COL28A1: variants seen among roughly 807,000 people sequenced by gnomAD.
The protein encoded by COL28A1 is collagen type XXVIII alpha 1 chain.
Under a neutral mutation model 150.2 loss-of-function variants are expected in COL28A1, and 161 were observed. The observed-to-expected ratio is 1.07, with a 90% CI of 0.94 to 1.22. COL28A1 has a LOEUF of 1.22. Among genes scored for constraint, COL28A1 ranks in the 50% most tolerant of loss-of-function variants. COL28A1 has a pLI of 0.00. For missense variants in COL28A1, 1,617 were observed against 1,388.3 expected (o/e 1.16, Z -2.62); for synonymous variants, 552 against 469.7 (o/e 1.18, Z -2.26).
At chr7:7,493,086 A>G (rs1203262422) in intron 11 of COL28A1, among the ~76,000 whole-genome samples, 1 of 143,968 alleles carries the variant, frequency 6.9e-6, no homozygotes, top group Non-Finnish European at 1.5e-5. Context: ...TTAAAAATAC[A>G]ATAATAATAT....
intron 15 of COL28A1, among the ~76,000 whole-genome samples, chr7:7,462,932 G>T (rs373677511): frequency 6.6e-5 from 10 of 151,018 alleles, no homozygotes; most frequent in African/African-American, 2.4e-4. Flanking sequence ...AATTTAACAA[G>T]CAAAAGGAAG....
chr7:7,521,068 A>G (rs60498098), intron 5 of COL28A1, among the ~76,000 whole-genome samples: 50,733 of 151,878 alleles, frequency 0.33, 9,423 homozygotes, highest in African/African-American at 0.5. Flanking sequence ...TTCCCCTCCC[A>G]CCCCCAAATA....
intron 27 of COL28A1, among the ~76,000 whole-genome samples, chr7:7,414,680 G>A (rs1783972116): frequency 6.6e-6 from 1 of 152,194 alleles, no homozygotes; most frequent in African/African-American, 2.4e-5. Context: ...CATGGAAAGA[G>A]AAGCCCTTCT....
chr7:7,444,922 G>C (rs966757963), intron 18 of COL28A1, among the ~76,000 whole-genome samples: 1 of 152,080 alleles, frequency 6.6e-6, no homozygotes, highest in Non-Finnish European at 1.5e-5. Context: ...AGTTATGGGG[G>C]TGGACCTCCC....
At chr7:7,404,855 A>G (rs1783407426) in intron 27 of COL28A1, among the ~76,000 whole-genome samples, 2 of 152,150 alleles carry the variant, frequency 1.3e-5, no homozygotes, top group South Asian at 2.1e-4. Flanking sequence ...TGGCATACTT[A>G]CATATGTTCA....
intron 15 of COL28A1, among the ~76,000 whole-genome samples, chr7:7,466,601 CAG>C (rs1788099312): frequency 1.3e-5 from 1 of 76,204 alleles, no homozygotes; most frequent in Non-Finnish European, 2.3e-5. Flanking sequence ...AGGAAATACA[CAG>C]AACGCCACAA....
At position 7,489,389 on chromosome 7, in the gene COL28A1, T is replaced by C; in HGVS notation, c.1164A>G (p.Pro388=). The C allele has an allele frequency of 7.7e-7, 1 of 1,295,768 alleles. No individual in the cohort carries two copies. Among genetic ancestry groups the C allele is most frequent in the Non-Finnish European group, 1.1e-6 (1 of 888,750 alleles). 80.3% of individuals were successfully genotyped at this position (1,295,768 alleles called of 1,614,324 possible). The part of the protein sequence containing the change: ...GPIGVGEPGQ[P]GPRGPEGVPG... ...TCCATCTAGAATTTTTGCTACTTAC[T>C]GGCTGTCCAGGCTCACCAACTCCAA... The change falls in exon 13 of 35, where the codon CCA becomes CCG. Residue 388 remains proline (P), a splice_region_variant and synonymous_variant. Coordinates refer to ENST00000399429, the MANE Select transcript of COL28A1 (RefSeq NM_001037763.3).
intron 27 of COL28A1, among the ~76,000 whole-genome samples, chr7:7,390,573 G>C (rs1782481553): frequency 6.6e-6 from 1 of 152,132 alleles, no homozygotes. Flanking sequence ...CATGGTACCA[G>C]CTCCTCTTTG....
chr7:7,516,598 G>C (rs1781426852), intron 7 of COL28A1, among the ~76,000 whole-genome samples: 2 of 151,968 alleles, frequency 1.3e-5, no homozygotes, highest in African/African-American at 2.4e-5. Flanking sequence ...GGATTTTTTT[G>C]TCTTTCATAC....
At chr7:7,476,973 A>G (rs1270900877) in intron 14 of COL28A1, 139 bp downstream of exon 14, 2 of 599,398 alleles carry the variant, frequency 3.3e-6, no homozygotes, top group African/African-American at 3.7e-5. Context: ...GGAAATTTAC[A>G]TATTCCTTCA....
chr7:7,439,563 G>A (rs534493373), intron 21 of COL28A1, among the ~76,000 whole-genome samples: 1 of 152,124 alleles, frequency 6.6e-6, no homozygotes, highest in African/African-American at 2.4e-5. Flanking sequence ...TGTATTAAGG[G>A]GTGATTATGC....
intron 27 of COL28A1, among the ~76,000 whole-genome samples, chr7:7,406,231 G>A (rs181934162): frequency 6.6e-6 from 1 of 152,186 alleles, no homozygotes; most frequent in Admixed American, 6.5e-5. Flanking sequence ...CTTTAATAAT[G>A]GAATCCAATA....
downstream of COL28A1, among the ~76,000 whole-genome samples, chr7:7,352,502 G>A (rs1468628894): frequency 2.0e-5 from 3 of 152,194 alleles, no homozygotes; most frequent in Non-Finnish European, 2.9e-5. Context: ...TCCTTAAAAG[G>A]AGAAAATCTT....
intron 26 of COL28A1, 144 bp downstream of exon 26, chr7:7,419,741 T>A: frequency 2.2e-6 from 1 of 446,718 alleles, no homozygotes. Context: ...AACGTTCACC[T>A]GATATGAAAA....
intron 27 of COL28A1, among the ~76,000 whole-genome samples, chr7:7,407,584 A>C (rs1195346338): frequency 6.6e-6 from 1 of 152,072 alleles, no homozygotes; most frequent in East Asian, 1.9e-4. Flanking sequence ...ATTCTTAGGA[A>C]AATATCTTTT....
chr7:7,457,923 T>C (rs899771987), intron 15 of COL28A1, among the ~76,000 whole-genome samples: 3 of 152,228 alleles, frequency 2.0e-5, no homozygotes, highest in African/African-American at 4.8e-5. Flanking sequence ...AACAGTTGGA[T>C]AGCAGATACT....
chr7:7,505,022 C>A (rs1780732682), intron 11 of COL28A1, among the ~76,000 whole-genome samples: 1 of 152,168 alleles, frequency 6.6e-6, no homozygotes, highest in Non-Finnish European at 1.5e-5. Context: ...TAATCATAGG[C>A]AAGAAGTGAA....
chr7:7,418,558 A>G (rs1784229412), intron 26 of COL28A1, among the ~76,000 whole-genome samples: 1 of 152,204 alleles, frequency 6.6e-6, no homozygotes, highest in South Asian at 2.1e-4. Flanking sequence ...TAATGGCTCT[A>G]ACAAGTCCCA....
At chr7:7,515,731 CTTTTA>C (rs1781379711) in intron 8 of COL28A1, 78 bp downstream of exon 8, 1 of 774,022 alleles carries the variant, frequency 1.3e-6, no homozygotes, top group South Asian at 1.5e-5. Context: ...AAGAAAATAA[CTTTTA>C]TTAAGTTCCT....
Sources: allele counts gnomAD v4.1 joint callset (sites outside exome capture counted in the v4.1 genomes callset), GRCh38; gene constraint gnomAD v4.1.1; transcripts MANE v1.5; gene names NCBI Gene and HGNC (gene_info 2026-07-23, HGNC 2026-07-21).